The following ULK4 variants were observed in gnomAD, a reference collection of about 807,000 sequenced individuals.
ULK4 encodes unc-51 like kinase 4.
ULK4 carries 133 observed loss-of-function variants against 160.6 expected under a neutral mutation model. The observed-to-expected ratio is 0.83, with a 90% CI of 0.72 to 0.96. The LOEUF (loss-of-function observed/expected upper bound fraction) is 0.96, where lower values mean the gene tolerates loss of function less well. ULK4 is among the 40% of genes least tolerant of loss of function. The pLI is 0.00. For synonymous variants in ULK4, 534 were observed against 539.8 expected (o/e 0.99, Z 0.15); for missense variants, 1,580 against 1,499.5 (o/e 1.05, Z -0.89).
chr3:41,913,768 G>C (rs1372725802), intron 8 of ULK4, among the ~76,000 whole-genome samples: 1 of 152,038 alleles, frequency 6.6e-6, no homozygotes, highest in African/African-American at 2.4e-5. Flanking sequence ...TTTGAGGCCA[G>C]CCTGGACAAT....
intron 32 of ULK4, among the ~76,000 whole-genome samples, chr3:41,520,744 A>G (rs1028698122): frequency 3.0e-4 from 45 of 152,220 alleles, no homozygotes; most frequent in Admixed American, 3.3e-4. Context: ...TTTCAATAAT[A>G]GTTATACTAT....
chr3:41,948,268 T>C (rs570278426), intron 2 of ULK4, among the ~76,000 whole-genome samples: 6 of 152,236 alleles, frequency 3.9e-5, no homozygotes, highest in African/African-American at 4.8e-5. Flanking sequence ...CTGGCCAACA[T>C]GGTGAAACCC....
At position 41,306,439 on chromosome 3, in the gene ULK4, T is replaced by A. The variant is rs540645107; in HGVS notation, c.3679-56865A>T. On this transcript the variant is annotated intron_variant, in intron 35 of 36. Coordinates refer to ENST00000301831, the MANE Select transcript of ULK4 (RefSeq NM_017886.4). ...CCCCTACTGGGAAGTGAGGAGCCCC[T>A]CTGCCCGGCCAGTGGCCCCATCTGG... is the stretch of plus-strand genomic sequence containing the variant. Among the ~76,000 whole-genome samples, 686 of 139,084 alleles carry A rather than the reference T, an allele frequency of 4.9e-3. 24 individuals are homozygous for A. The highest frequency in any genetic ancestry group is 0.019 in the African/African-American group (646 of 34,104). 91.2% of individuals were successfully genotyped at this position (139,084 alleles called of 152,430 possible). A position where few individuals can be genotyped will look rare whatever the true frequency, so the allele number is the denominator to read the frequency against.
intron 25 of ULK4, among the ~76,000 whole-genome samples, chr3:41,708,290 T>C (rs2036975326): frequency 6.6e-6 from 1 of 152,200 alleles, no homozygotes; most frequent in South Asian, 2.1e-4. Flanking sequence ...TCAACTCAAC[T>C]GTCCATCAAC....
intron 34 of ULK4, among the ~76,000 whole-genome samples, chr3:41,439,766 C>T (rs1020536460): frequency 1.3e-5 from 2 of 152,118 alleles, no homozygotes; most frequent in Non-Finnish European, 2.9e-5. Context: ...CAAAAAATGT[C>T]TGCTGGGATT....
chr3:41,779,985 T>TAG (rs1553651260), intron 21 of ULK4, among the ~76,000 whole-genome samples: 7 of 59,366 alleles, frequency 1.2e-4, no homozygotes, highest in African/African-American at 3.2e-4. Context: ...TAGAGTATAA[T>TAG]AAAAAAAAAA....
intron 32 of ULK4, among the ~76,000 whole-genome samples, chr3:41,492,915 C>T (rs1004846224): frequency 7.8e-4 from 113 of 144,706 alleles, no homozygotes; most frequent in Admixed American, 1.4e-3. Context: ...CAGGAGCACC[C>T]AGATTCATAA....
intron 35 of ULK4, among the ~76,000 whole-genome samples, chr3:41,266,220 T>C (rs1000959426): frequency 6.6e-6 from 1 of 152,106 alleles, no homozygotes; most frequent in African/African-American, 2.4e-5. Context: ...CTGGTGCAGG[T>C]AGCAGGACAG....
intron 22 of ULK4, among the ~76,000 whole-genome samples, chr3:41,726,736 T>C (rs936069828): frequency 1.3e-5 from 2 of 152,184 alleles, no homozygotes; most frequent in African/African-American, 2.4e-5. Flanking sequence ...CTGGATCACC[T>C]TGTAGCTCTG....
At chr3:41,625,430 G>C (rs750350476) in intron 30 of ULK4, among the ~76,000 whole-genome samples, 6 of 152,072 alleles carry the variant, frequency 3.9e-5, no homozygotes, top group Non-Finnish European at 8.8e-5. Flanking sequence ...AGGTCCAATT[G>C]GTGGAGACAG....
chr3:41,693,246 G>T (rs774158165), intron 27 of ULK4, among the ~76,000 whole-genome samples: 39 of 152,174 alleles, frequency 2.6e-4, no homozygotes, highest in Non-Finnish European at 1.2e-4. Flanking sequence ...AATGGTAAAA[G>T]CCTATATAAG....
chr3:41,336,884 T>C (rs2080569944), intron 35 of ULK4, among the ~76,000 whole-genome samples: 1 of 152,170 alleles, frequency 6.6e-6, no homozygotes, highest in Admixed American at 6.5e-5. Flanking sequence ...GCCTAACCAA[T>C]CTGGAACTCA....
chr3:41,258,649 G>C (rs2078883317), intron 35 of ULK4, among the ~76,000 whole-genome samples: 1 of 152,098 alleles, frequency 6.6e-6, no homozygotes, highest in Non-Finnish European at 1.5e-5. Context: ...CAAATGGCAG[G>C]CATCCATTTC....
chr3:41,748,771 C>T (rs929179318), intron 22 of ULK4, among the ~76,000 whole-genome samples: 7 of 152,130 alleles, frequency 4.6e-5, no homozygotes, highest in African/African-American at 1.7e-4. Flanking sequence ...TGTTTTCACC[C>T]CCTTTCTTAG....
chr3:41,832,073 G>T (rs1271183936), intron 18 of ULK4, among the ~76,000 whole-genome samples: 2 of 152,144 alleles, frequency 1.3e-5, no homozygotes, highest in African/African-American at 4.8e-5. Flanking sequence ...CCAGTAATGG[G>T]ATTGCTGGGT....
chr3:41,936,602 G>C (rs569963524), intron 3 of ULK4, among the ~76,000 whole-genome samples: 24 of 152,308 alleles, frequency 1.6e-4, no homozygotes, highest in Admixed American at 7.8e-4. Flanking sequence ...AAGAGATTTT[G>C]TCATTTGCAA....
At chr3:41,603,306 T>C (rs940029591) in intron 31 of ULK4, among the ~76,000 whole-genome samples, 1 of 152,020 alleles carries the variant, frequency 6.6e-6, no homozygotes, top group African/African-American at 2.4e-5. Flanking sequence ...ATTCTAAATA[T>C]GTATGAAACA....
chr3:41,630,466 C>T (rs1039693325), intron 30 of ULK4, among the ~76,000 whole-genome samples: 9 of 152,262 alleles, frequency 5.9e-5, no homozygotes, highest in South Asian at 2.1e-4. Context: ...ATCTCCTCCA[C>T]GTCAAATCCT....
In ULK4 at chr3:41,337,541, GCA is replaced by G. The variant is rs141553126; in HGVS notation, c.3678+60536_3678+60537del. 8.6e-5 allele frequency among the ~76,000 whole-genome samples: 13 copies of G among 151,678 alleles called. No homozygotes were observed. In the South Asian group the frequency reaches 1.0e-3, roughly 12 times the overall value. On this transcript the variant is annotated intron_variant, in intron 35 of 36. Coordinates refer to ENST00000301831, the MANE Select transcript of ULK4 (RefSeq NM_017886.4). ...CACGCAGGTATGTGCAGACGTGCAT[GCA>G]CACACACACACGCATGTGCACACAA...
Sources: gnomAD v4.1 joint callset for allele counts (sites outside exome capture counted in the v4.1 genomes callset) on GRCh38, gnomAD v4.1.1 for gene constraint, MANE v1.5 for transcripts, NCBI Gene and HGNC (gene_info 2026-07-23, HGNC 2026-07-21) for gene names.